The following RILPL2 variants were observed in gnomAD, a reference collection of about 807,000 sequenced individuals.
The protein encoded by RILPL2 is Rab interacting lysosomal protein like 2.
Under a neutral mutation model 22.2 loss-of-function variants are expected in RILPL2, and 19 were observed. That is an observed-to-expected ratio of 0.86 (90% confidence interval 0.60 to 1.25). RILPL2 has a LOEUF of 1.25. Among genes scored for constraint, RILPL2 ranks in the 50% most tolerant of loss-of-function variants. The pLI is 0.00. For synonymous variants in RILPL2, 123 were observed against 111.6 expected, an observed-to-expected ratio of 1.10 and a Z score of -0.64; for missense variants, 243 against 263.6, an observed-to-expected ratio of 0.92 and a Z score of 0.54.
At chr12:123,409,702 A>G in the RILPL2 span, among the ~76,000 whole-genome samples, 1 of 138,874 alleles carries the variant, frequency 7.2e-6, no homozygotes, top group African/African-American at 2.9e-5. Context: ...GGCATGCACC[A>G]CCACACCTGG....
chr12:123,416,405 G>A (rs138487939), intron 3 of RILPL2, among the ~76,000 whole-genome samples: 2,189 of 152,074 alleles, frequency 0.014, 58 homozygotes, highest in African/African-American at 0.049. Context: ...TTTGGGAGAC[G>A]GAGGCAGGCA....
At chr12:123,409,453 G>A in the RILPL2 span, 2 of 152,162 alleles carry the variant, frequency 1.3e-5, no homozygotes, top group Admixed American at 1.3e-4. Flanking sequence ...AAAGCTTACT[G>A]ACGTGATTTT....
intron 3 of RILPL2, among the ~76,000 whole-genome samples, chr12:123,416,669 C>T (rs1879128327): frequency 1.3e-5 from 2 of 152,234 alleles, no homozygotes; most frequent in South Asian, 2.1e-4. Context: ...CACATTCATT[C>T]GTTCATTCAT....
chr12:123,421,671 CTTTTTTTT>C (rs561071129), intron 3 of RILPL2, among the ~76,000 whole-genome samples: 1 of 135,792 alleles, frequency 7.4e-6, no homozygotes, highest in Non-Finnish European at 1.6e-5. Flanking sequence ...TGGGTTATTC[CTTTTTTTT>C]TTTTTTTTTT....
chr12:123,430,384 G>C, intron 2 of RILPL2, 124 bp downstream of exon 2: 2 of 929,062 alleles, frequency 2.2e-6, no homozygotes, highest in Non-Finnish European at 3.0e-6. Flanking sequence ...ACTCCAGCCT[G>C]GGCGACAGAG....
chr12:123,417,761 T>A (rs1280079421), intron 3 of RILPL2, among the ~76,000 whole-genome samples: 1 of 152,132 alleles, frequency 6.6e-6, no homozygotes, highest in Non-Finnish European at 1.5e-5. Context: ...AATTTTGTAT[T>A]TTTAGTAGAG....
At chr12:123,428,194 T>G (rs1046553962) in intron 2 of RILPL2, among the ~76,000 whole-genome samples, 1 of 152,184 alleles carries the variant, frequency 6.6e-6, no homozygotes, top group Non-Finnish European at 1.5e-5. Flanking sequence ...TGGAGTGCAG[T>G]GGCGAGATGT....
intron 3 of RILPL2, among the ~76,000 whole-genome samples, chr12:123,420,409 G>A (rs563441982): frequency 6.6e-6 from 1 of 151,838 alleles, no homozygotes; most frequent in African/African-American, 2.4e-5. Context: ...AAAGTCTTGG[G>A]ATTACAGGCG....
chr12:123,427,040 C>T (rs1593492312), intron 2 of RILPL2, among the ~76,000 whole-genome samples: 2 of 151,912 alleles, frequency 1.3e-5, no homozygotes, highest in African/African-American at 4.8e-5. Flanking sequence ...TCGTGGGATC[C>T]TCCTGCCTCA....
At chr12:123,419,696 C>T (rs894359998) in intron 3 of RILPL2, among the ~76,000 whole-genome samples, 2 of 150,714 alleles carry the variant, frequency 1.3e-5, no homozygotes, top group African/African-American at 4.9e-5. Flanking sequence ...ATATCCTCCT[C>T]CCAGGTTCAA....
At chr12:123,424,863 ATTTT>A (rs1879393196) in intron 2 of RILPL2, among the ~76,000 whole-genome samples, 1 of 151,704 alleles carries the variant, frequency 6.6e-6, no homozygotes, top group Non-Finnish European at 1.5e-5. Context: ...TTTTTTATTT[ATTTT>A]ATTTTTAAAA....
chr12:123,435,572 T>C (rs1206407739), intron 1 of RILPL2, among the ~76,000 whole-genome samples: 1 of 149,824 alleles, frequency 6.7e-6, no homozygotes, highest in African/African-American at 2.5e-5. Context: ...CCCCCATCTC[T>C]ACAAAACATC....
intron 3 of RILPL2, among the ~76,000 whole-genome samples, chr12:123,418,934 G>A (rs1478685025): frequency 1.3e-5 from 2 of 150,854 alleles, no homozygotes; most frequent in Non-Finnish European, 3.0e-5. Flanking sequence ...GGCCAGGATG[G>A]TCTCAATCTT....
rs1433395000 is a variant in RILPL2, at chr12:123,418,822, G to A, written c.606-2901C>T. Among the ~76,000 whole-genome samples the A allele has an allele frequency of 2.0e-4, 27 of 133,860 alleles. 1 individual carries two copies. The highest frequency in any genetic ancestry group is 1.0e-3 in the Admixed American group (12 of 11,902). 87.8% of individuals were successfully genotyped at this position (133,860 alleles called of 152,430 possible). A position where few individuals can be genotyped will look rare whatever the true frequency, so the allele number is the denominator to read the frequency against. The stretch of plus-strand genomic sequence containing the variant: ...TGTTGCTAGGCTGGAGTGCAGTGGC[G>A]CAATCTCAGCTCACTACAACCTCTG... On this transcript the variant is annotated intron_variant, in intron 3 of 3. Transcript: ENST00000280571.
intron 2 of RILPL2, among the ~76,000 whole-genome samples, chr12:123,425,100 C>G (rs1279433683): frequency 1.3e-5 from 2 of 151,866 alleles, no homozygotes; most frequent in African/African-American, 4.8e-5. Context: ...AGGATGGTAT[C>G]AATCTCCTGA....
At chr12:123,432,460 C>T (rs1203560910) in intron 1 of RILPL2, among the ~76,000 whole-genome samples, 1 of 152,146 alleles carries the variant, frequency 6.6e-6, no homozygotes, top group South Asian at 2.1e-4. Flanking sequence ...GAGCAGTGTT[C>T]AAACCACTGC....
At chr12:123,420,257 C>T (rs1879242219) in intron 3 of RILPL2, among the ~76,000 whole-genome samples, 1 of 151,772 alleles carries the variant, frequency 6.6e-6, no homozygotes, top group African/African-American at 2.4e-5. Context: ...GATCTCCTGA[C>T]CTCGTGATCC....
At position 123,436,074 on chromosome 12, in the gene RILPL2, A is replaced by C; in HGVS notation, c.339+8T>G. 6.4e-7 allele frequency: 1 copy of C among 1,566,268 alleles called. No homozygotes were observed. Among genetic ancestry groups the C allele is most frequent in the Non-Finnish European group, 8.7e-7 (1 of 1,155,494 alleles). On this transcript the variant is annotated splice_region_variant and intron_variant, in intron 1 of 3. Transcript: ENST00000280571. This position sits in a 1 kb window ranked among gnomAD's most constrained non-coding sequence, Gnocchi z 6.7. ...CCGTGGGCCCGGAACCCTCGCTCCC[A>C]CACTCACCTCCCCGCTGGCCGGAGG...
At chr12:123,414,079 A>C (rs1879049548), downstream of RILPL2, 1 of 153,958 alleles carries the variant, frequency 6.5e-6, no homozygotes, top group Non-Finnish European at 1.4e-5. Context: ...GGGGCTGCAG[A>C]TGGAGCTGCC....
Sources: allele counts gnomAD v4.1 joint callset (sites outside exome capture counted in the v4.1 genomes callset), GRCh38; gene constraint gnomAD v4.1.1; non-coding constraint Gnocchi (gnomAD v3.1); transcripts MANE v1.5; gene names NCBI Gene and HGNC (gene_info 2026-07-23, HGNC 2026-07-21).